ERCC5: variants seen among roughly 807,000 people sequenced by gnomAD.
The protein encoded by ERCC5 is DNA excision repair protein ERCC-5.
In ERCC5, 68 loss-of-function variants were observed where a neutral mutation model predicts 105.6. The ratio of observed to expected loss-of-function variants is 0.64; its 90% CI spans 0.53 to 0.79. ERCC5 has a LOEUF of 0.79. Ranked by LOEUF, ERCC5 falls within the 30% of genes least tolerant of loss-of-function variation. The pLI, the probability that ERCC5 is intolerant of heterozygous loss-of-function variation, is 0.00. For synonymous variants in ERCC5, 546 were observed against 526.2 expected (o/e 1.04, Z -0.51); for missense variants, 1,373 against 1,426.7 (o/e 0.96, Z 0.61).
At chr13:102,860,201 T>A (rs1249088236) in intron 6 of ERCC5, among the ~76,000 whole-genome samples, 2 of 152,196 alleles carry the variant, frequency 1.3e-5, no homozygotes, top group African/African-American at 4.8e-5. Flanking sequence ...AAAGAGAAGC[T>A]GTAAAGTGCC....
Position 102,866,376 on chromosome 13 carries a change from A to G in ERCC5, c.2314A>G (p.Ser772Gly). Residue 772 changes from serine (S) to glycine (G), a missense_variant, in exon 10 of 15, where the codon AGC becomes GGC. Physicochemically the swap from Ser to Gly is moderately conservative, Grantham distance 56. Around this residue, in one of 3 missense-constraint regions of ERCC5, gnomAD observed 1,004 missense variants for 1,059.7 expected, o/e 0.95. Transcript: ENST00000652225. The stretch of plus-strand genomic sequence containing the variant: ...TGTCACCGGACAGATGTTCCTGGAA[A>G]GCCAGGTGGGTGCAGGCAGCTTGGG... ...ATVTGQMFLE[S>G]QELLRLFGIP... The G allele has an allele frequency of 1.2e-6, 2 of 1,614,144 alleles. No homozygotes were observed. The highest frequency in any genetic ancestry group is 8.5e-7 in the Non-Finnish European group (1 of 1,179,962).
At chr13:102,872,177 A>G in intron 12 of ERCC5, 21 bp from the exon 13 acceptor site, 3 of 1,612,230 alleles carry the variant, frequency 1.9e-6, no homozygotes, top group South Asian at 2.2e-5. Flanking sequence ...TGTGTAAGTA[A>G]TTGTTTCCTT....
intron 3 of ERCC5, 110 bp from the exon 4 acceptor site, chr13:102,854,178 G>T (rs1039126382): frequency 1.3e-5 from 15 of 1,179,032 alleles, no homozygotes; most frequent in Non-Finnish European, 1.3e-6. Context: ...CCTTTCTCTC[G>T]GCTGCATTTA....
chr13:102,855,366 C>T (rs1882373094), intron 4 of ERCC5, among the ~76,000 whole-genome samples: 1 of 152,064 alleles, frequency 6.6e-6, no homozygotes, highest in African/African-American at 2.4e-5. Context: ...TCTCCTGCCT[C>T]AGCCTCCGGA....
chr13:102,865,452 A>G lies in ERCC5; in HGVS notation c.1955-215A>G. The G allele has an allele frequency of 1.8e-6, 1 of 563,262 alleles. No homozygotes were observed. The highest frequency in any genetic ancestry group is 3.1e-6 in the Non-Finnish European group (1 of 326,944). The allele number at this position is 563,262 out of a possible 1,614,324, so 34.9% of individuals were successfully genotyped here. A position where few individuals can be genotyped will look rare whatever the true frequency, so the allele number is the denominator to read the frequency against. ...GTTTCCTACTTTCAAAGACAGTGCC[A>G]GTTTACCTAATTGAAAAGGCTTGTT... is the stretch of plus-strand genomic sequence containing the variant. On this transcript the variant is annotated intron_variant, in intron 8 of 14. Transcript: ENST00000652225. This position sits in a 1 kb window ranked among gnomAD's most constrained non-coding sequence, Gnocchi z 4.0.
intron 12 of ERCC5, among the ~76,000 whole-genome samples, chr13:102,871,195 G>A (rs982325018): frequency 1.3e-5 from 2 of 152,172 alleles, no homozygotes; most frequent in Non-Finnish European, 2.9e-5. Flanking sequence ...CTTCCTCATA[G>A]CATGTTGGAG....
intron 1 of ERCC5, among the ~76,000 whole-genome samples, chr13:102,849,871 A>G (rs572206810): frequency 2.0e-5 from 3 of 152,232 alleles, no homozygotes; most frequent in African/African-American, 4.8e-5. Context: ...GGCCCCTTCA[A>G]TGTTCTTTTC....
chr13:102,849,536 T>A, intron 1 of ERCC5: 1 of 435,166 alleles, frequency 2.3e-6, no homozygotes, highest in Non-Finnish European at 4.6e-6. Flanking sequence ...CACTAGGTAT[T>A]TTGTTACATA....
At chr13:102,872,536 C>T in intron 13 of ERCC5, 138 bp downstream of exon 13, 3 of 1,061,322 alleles carry the variant, frequency 2.8e-6, no homozygotes, top group East Asian at 2.6e-5. Context: ...CTCTCCTTTT[C>T]ACTCTTTCTT....
At chr13:102,861,008 G>A (rs1484564749) in intron 6 of ERCC5, among the ~76,000 whole-genome samples, 2 of 89,100 alleles carry the variant, frequency 2.2e-5, no homozygotes, top group African/African-American at 8.6e-5. Flanking sequence ...TTTTTTTTGA[G>A]GGGAAGTCTC....
rs1882614062 is a variant in ERCC5, at chr13:102,861,439, TG to T, written c.673-66del. 4.5e-6 allele frequency: 7 copies of T among 1,545,632 alleles called. No homozygotes were observed. In the East Asian group the frequency reaches 1.6e-4, roughly 36 times the overall value. ...TCTTTGTTCCCTGTTGGGGAAAGGG[TG>T]GAAATATGGTAATATTATCTGTATT... On this transcript the variant is annotated intron_variant, in intron 6 of 14. Coordinates refer to ENST00000652225, the MANE Select transcript of ERCC5 (RefSeq NM_000123.4).
intron 6 of ERCC5, 84 bp downstream of exon 6, chr13:102,858,502 C>T: frequency 6.4e-7 from 1 of 1,572,002 alleles, no homozygotes; most frequent in Non-Finnish European, 8.7e-7. Context: ...AATTGATAAG[C>T]AATACTTACA....
chr13:102,875,889 A>G lies in ERCC5; in HGVS notation c.3547A>G (p.Lys1183Glu), dbSNP rs1883207757. 1 of 1,607,908 alleles carries G rather than the reference A, an allele frequency of 6.2e-7. No individual in the cohort carries two copies. Among genetic ancestry groups the G allele is most frequent in the Non-Finnish European group, 8.5e-7 (1 of 1,179,938 alleles). ...GAAACTAAGACGTGCGAGGGGAAGA[A>G]AAAGGAAAACCTAATTAAAAAATAT... is the stretch of plus-strand genomic sequence containing the variant. ...RRKLRRARGRKRKT is the reference protein window; with the variant it reads ...RRKLRRARGRERKT Residue 1183 changes from lysine to glutamate, a missense_variant, in exon 15 of 15, where the codon AAA becomes GAA. Lys to Glu is a moderately conservative substitution (Grantham distance 56). Coordinates refer to ENST00000652225, the MANE Select transcript of ERCC5 (RefSeq NM_000123.4).
In ERCC5 at chr13:102,862,868, T is replaced by G; in HGVS notation, c.1719T>G (p.Ser573=). The G allele has an allele frequency of 6.2e-7, 1 of 1,614,258 alleles. No homozygotes were observed. The highest frequency in any genetic ancestry group is 8.5e-7 in the Non-Finnish European group (1 of 1,180,042). The part of the protein sequence containing the change: ...SDDETKCKPN[S]ASEVIGPVSL... ...ATGAAACAAAATGTAAACCGAATTC[T>G]GCTTCTGAAGTCATTGGCCCTGTCA... Residue 573 remains serine (S), a synonymous_variant, in exon 8 of 15, where the codon TCT becomes TCG. Coordinates refer to ENST00000652225, the MANE Select transcript of ERCC5 (RefSeq NM_000123.4).
intron 12 of ERCC5, among the ~76,000 whole-genome samples, chr13:102,871,626 TATA>T (rs1268828291): frequency 6.6e-6 from 1 of 152,054 alleles, no homozygotes; most frequent in Non-Finnish European, 1.5e-5. Context: ...TATTTATATA[TATA>T]TAAAATGTTA....
chr13:102,853,804 A>G lies in ERCC5; in HGVS notation c.312A>G (p.Lys104=), dbSNP rs139161934. The G allele has an allele frequency of 8.1e-6, 13 of 1,614,124 alleles. No homozygotes were observed. Among genetic ancestry groups the G allele is most frequent in the Non-Finnish European group, 1.0e-5 (12 of 1,180,052 alleles). Residue 104 remains lysine, a synonymous_variant, in exon 3 of 15, where the codon AAA becomes AAG. Coordinates refer to ENST00000652225, the MANE Select transcript of ERCC5 (RefSeq NM_000123.4). ...ACTTAGCGTCCAGTGACTCCAGGAAAACGACAGAGAAGCTTCTGAAAACAT... is the reference window on the plus strand; with the variant it reads ...ACTTAGCGTCCAGTGACTCCAGGAAGACGACAGAGAAGCTTCTGAAAACAT... ...RKDLASSDSR[K]TTEKLLKTFL... is the part of the protein sequence containing the mutation.
In ERCC5 at chr13:102,872,291, C is replaced by T; in HGVS notation, c.2772C>T (p.Thr924=). ...VKKKLRTLQL[T]PGFPNPAVAE... The stretch of plus-strand genomic sequence containing the variant: ...AAAAATTACGGACATTGCAACTCAC[C>T]CCTGGCTTTCCTAACCCAGCTGTTG... Residue 924 remains threonine (T), a synonymous_variant, in exon 13 of 15, where the codon ACC becomes ACT. Transcript: ENST00000652225. 1 of 1,614,124 alleles carries T rather than the reference C, an allele frequency of 6.2e-7. No homozygotes were observed. Among genetic ancestry groups the T allele is most frequent in the Non-Finnish European group, 8.5e-7 (1 of 1,180,028 alleles).
chr13:102,849,305 T>C (rs1882105378), intron 1 of ERCC5: 3 of 518,710 alleles, frequency 5.8e-6, no homozygotes, highest in Non-Finnish European at 1.2e-5. Context: ...TCTTCACATG[T>C]TCATCAAAGT....
rs111985238 is a variant in ERCC5, at chr13:102,846,105, T to G, written c.-162T>G. On this transcript the variant is annotated 5_prime_UTR_variant, in exon 1 of 15. Transcript: ENST00000652225. ...CTCCGCTTTAATGCGCTCCCATTAG[T>G]GCCGTCCCCCACTGGAAAACCGTGG... 2 of 624,872 alleles carry G rather than the reference T, an allele frequency of 3.2e-6. No individual in the cohort carries two copies. The highest frequency in any genetic ancestry group is 3.7e-5 in the African/African-American group (2 of 54,518). The allele number at this position is 624,872 out of a possible 1,614,324, so 38.7% of individuals were successfully genotyped here. A position where few individuals can be genotyped will look rare whatever the true frequency, so the allele number is the denominator to read the frequency against.
Sources: gnomAD v4.1 joint callset for allele counts (sites outside exome capture counted in the v4.1 genomes callset) on GRCh38, gnomAD v4.1.1 for gene constraint, gnomAD v4.1.1 regional missense constraint, Gnocchi (gnomAD v3.1) non-coding constraint, MANE v1.5 for transcripts, NCBI Gene and HGNC (gene_info 2026-07-23, HGNC 2026-07-21) for gene names.